Variants in PCDHB13 observed in about 807,000 individuals in gnomAD.
PCDHB13 encodes protocadherin beta-13.
For synonymous variants in PCDHB13, 515 were observed against 450.7 expected (o/e 1.14, Z -1.81); for missense variants, 1,065 against 1,016.7 (o/e 1.05, Z -0.65).
At position 141,215,302 on chromosome 5, in the gene PCDHB13, C is replaced by A; in HGVS notation, c.1179C>A (p.Leu393=). Residue 393 remains leucine (L), a synonymous_variant, in exon 1 of 1, where the codon CTC becomes CTA. Transcript: ENST00000341948. ...CCATTCAGGAGGATCTACCCTTCCT[C>A]CTGAAATCCGCGGAAAACTTTTACA... is the stretch of plus-strand genomic sequence containing the variant. ...SCSIQEDLPF[L]LKSAENFYTL... is the part of the protein sequence containing the mutation. The A allele has an allele frequency of 6.2e-7, 1 of 1,614,128 alleles. No homozygotes were observed. Among genetic ancestry groups the A allele is most frequent in the Non-Finnish European group, 8.5e-7 (1 of 1,180,024 alleles).
At position 141,217,265 on chromosome 5, in the gene PCDHB13, A is replaced by C. The variant is rs1754639552; in HGVS notation, c.*745A>C. 1 of 167,086 alleles carries C rather than the reference A, an allele frequency of 6.0e-6. No homozygotes were observed. The highest frequency in any genetic ancestry group is 1.5e-5 in the Non-Finnish European group (1 of 68,152). 10.4% of individuals were successfully genotyped at this position (167,086 alleles called of 1,614,324 possible). A position where few individuals can be genotyped will look rare whatever the true frequency, so the allele number is the denominator to read the frequency against. On this transcript the variant is annotated 3_prime_UTR_variant, in exon 1 of 1. Coordinates refer to ENST00000341948, the MANE Select transcript of PCDHB13 (RefSeq NM_018933.4). ...ATAGCATAAATTGGAGTTGTGTGTT[A>C]ATGTGTAAAAATTTTTGCCTGTACT... is the stretch of plus-strand genomic sequence containing the variant.
chr5:141,216,158 A>G lies in PCDHB13; in HGVS notation c.2035A>G (p.Thr679Ala), dbSNP rs201053653. The change falls in exon 1 of 1, where the codon ACC becomes GCC. Residue 679 changes from threonine to alanine, a missense_variant. Physicochemically the swap from Thr to Ala is moderately conservative, Grantham distance 58 (BLOSUM62 0). Coordinates refer to ENST00000341948, the MANE Select transcript of PCDHB13 (RefSeq NM_018933.4). The part of the protein sequence containing the change: ...PYLPLPEAAP[T>A]QAQADLLTVY... ...CCTGCCTCTCCCGGAGGCGGCCCCG[A>G]CCCAGGCCCAGGCCGACTTGCTCAC... is the stretch of plus-strand genomic sequence containing the variant. The G allele has an allele frequency of 2.2e-4, 355 of 1,611,460 alleles. 1 individual carries two copies. Among genetic ancestry groups the G allele is most frequent in the Middle Eastern group, 7.7e-4 (4 of 5,182 alleles).
Position 141,214,397 on chromosome 5 carries a change from G to A in PCDHB13, c.274G>A (p.Asp92Asn). Residue 92 changes from aspartate to asparagine, a missense_variant, in exon 1 of 1, where the codon GAC becomes AAC. Transcript: ENST00000341948. ...TADLLLNEKL[D>N]REDLCGHTEP... ...GGATTTGTTGCTAAATGAGAAATTG[G>A]ACCGTGAGGATCTGTGCGGTCACAC... is the stretch of plus-strand genomic sequence containing the variant. The A allele has an allele frequency of 7.1e-7, 1 of 1,406,924 alleles. No homozygotes were observed. Among genetic ancestry groups the A allele is most frequent in the Non-Finnish European group, 1.0e-6 (1 of 1,001,734 alleles). The allele number at this position is 1,406,924 out of a possible 1,614,324, so 87.2% of individuals were successfully genotyped here. A position where few individuals can be genotyped will look rare whatever the true frequency, so the allele number is the denominator to read the frequency against.
In PCDHB13 at chr5:141,216,856, T is replaced by C. The variant is rs1239080423; in HGVS notation, c.*336T>C. On this transcript the variant is annotated 3_prime_UTR_variant, in exon 1 of 1. Coordinates refer to ENST00000341948, the MANE Select transcript of PCDHB13 (RefSeq NM_018933.4). Reference sequence around the variant, plus strand: ...ATTAAATAGAGCAATTTGGAAGTGATTCCAATTTTCCAGCATTTCTTCATT... The same window carrying C: ...ATTAAATAGAGCAATTTGGAAGTGACTCCAATTTTCCAGCATTTCTTCATT... 1 of 327,578 alleles carries C rather than the reference T, an allele frequency of 3.1e-6. No homozygotes were observed. The highest frequency in any genetic ancestry group is 5.9e-6 in the Non-Finnish European group (1 of 168,802). The allele number at this position is 327,578 out of a possible 1,614,324, so 20.3% of individuals were successfully genotyped here. A position where few individuals can be genotyped will look rare whatever the true frequency, so the allele number is the denominator to read the frequency against.
Position 141,216,362 on chromosome 5 carries a change from C to G in PCDHB13, c.2239C>G (p.Gln747Glu). 1 of 1,614,174 alleles carries G rather than the reference C, an allele frequency of 6.2e-7. No individual in the cohort carries two copies. The highest frequency in any genetic ancestry group is 8.5e-7 in the Non-Finnish European group (1 of 1,180,038). ...CATGAGCGGCACCAGGACCCTATCC[C>G]AGAGCTACCAGTATGAGGTGTGTCT... ...VDMSGTRTLS[Q>E]SYQYEVCLAG... The change falls in exon 1 of 1, where the codon CAG becomes GAG. Residue 747 changes from glutamine (Q) to glutamate (E), a missense_variant. By Grantham distance (29) the Gln-to-Glu change is conservative. Coordinates refer to ENST00000341948, the MANE Select transcript of PCDHB13 (RefSeq NM_018933.4).
In PCDHB13 at chr5:141,218,626, T is replaced by TTTG. The variant is rs1754666700; in HGVS notation, c.*2109_*2111dup. On this transcript the variant is annotated 3_prime_UTR_variant, in exon 1 of 1. Coordinates refer to ENST00000341948, the MANE Select transcript of PCDHB13 (RefSeq NM_018933.4). ...GCTATTTTTGTTTGTTTGTTTGTTT[T>TTTG]TTGTTTTGTTTTGTTTTTGAGGCAG... is the stretch of plus-strand genomic sequence containing the variant. 1 of 152,858 alleles carries TTTG rather than the reference T, an allele frequency of 6.5e-6. No homozygotes were observed. The highest frequency in any genetic ancestry group is 1.5e-5 in the Non-Finnish European group (1 of 68,620). 9.5% of individuals were successfully genotyped at this position (152,858 alleles called of 1,614,324 possible). A position where few individuals can be genotyped will look rare whatever the true frequency, so the allele number is the denominator to read the frequency against.
rs1231871762 is a variant in PCDHB13, at chr5:141,217,352, A to G, written c.*832A>G. 4 of 167,070 alleles carry G rather than the reference A, an allele frequency of 2.4e-5. No homozygotes were observed. Among genetic ancestry groups the G allele is most frequent in the Admixed American group, 6.5e-5 (1 of 15,286 alleles). 10.3% of individuals were successfully genotyped at this position (167,070 alleles called of 1,614,324 possible). A position where few individuals can be genotyped will look rare whatever the true frequency, so the allele number is the denominator to read the frequency against. ...TTTCAAACTTTTTTTACTGCAACCA[A>G]TAGTTAAGATTATATTTTACATATT... On this transcript the variant is annotated 3_prime_UTR_variant, in exon 1 of 1. Coordinates refer to ENST00000341948, the MANE Select transcript of PCDHB13 (RefSeq NM_018933.4).
In PCDHB13 at chr5:141,217,497, C is replaced by T. The variant is rs1449932177; in HGVS notation, c.*977C>T. 3.0e-5 allele frequency: 5 copies of T among 166,810 alleles called. No individual in the cohort carries two copies. Among genetic ancestry groups the T allele is most frequent in the Non-Finnish European group, 5.9e-5 (4 of 68,088 alleles). The allele number at this position is 166,810 out of a possible 1,614,324, so 10.3% of individuals were successfully genotyped here. On this transcript the variant is annotated 3_prime_UTR_variant, in exon 1 of 1. Coordinates refer to ENST00000341948, the MANE Select transcript of PCDHB13 (RefSeq NM_018933.4). ...TCAATTTTCAAATGTGGTCATGATC[C>T]ACTAAATTTATTTCATGGTATACTA...
chr5:141,214,690 C>T lies in PCDHB13; in HGVS notation c.567C>T (p.Gly189=). ...FRVLTRKRSD[G]RKYPELVLDK... is the part of the protein sequence containing the mutation. ...TCCTCACCCGCAAACGCAGTGATGG[C>T]AGGAAATACCCAGAGCTGGTGCTGG... Residue 189 remains glycine (G), a synonymous_variant, in exon 1 of 1, where the codon GGC becomes GGT. Coordinates refer to ENST00000341948, the MANE Select transcript of PCDHB13 (RefSeq NM_018933.4). The T allele has an allele frequency of 6.2e-7, 1 of 1,614,046 alleles. No individual in the cohort carries two copies. The highest frequency in any genetic ancestry group is 1.1e-5 in the South Asian group (1 of 91,072).
Position 141,216,286 on chromosome 5 carries a change from G to A in PCDHB13, c.2163G>A (p.Ser721=), listed in dbSNP as rs782708385. The change falls in exon 1 of 1, where the codon TCG becomes TCA. Residue 721 remains serine (S), a synonymous_variant. Coordinates refer to ENST00000341948, the MANE Select transcript of PCDHB13 (RefSeq NM_018933.4). ...TGTGTAGGAGGAGCAGGGCGGCCTC[G>A]GTGGGTCGCTGCTTGGTGCCCGAGG... The part of the protein sequence containing the change: ...VRLCRRSRAA[S]VGRCLVPEGP... 5 of 1,613,812 alleles carry A rather than the reference G, an allele frequency of 3.1e-6. No homozygotes were observed. Among genetic ancestry groups the A allele is most frequent in the Non-Finnish European group, 4.2e-6 (5 of 1,180,018 alleles).
chr5:141,214,681 C>T lies in PCDHB13; in HGVS notation c.558C>T (p.Arg186=). ...NSYFRVLTRK[R]SDGRKYPELV... is the part of the protein sequence containing the mutation. ...ATTTTCGGGTCCTCACCCGCAAACG[C>T]AGTGATGGCAGGAAATACCCAGAGC... Residue 186 remains arginine (R), a synonymous_variant, in exon 1 of 1, where the codon CGC becomes CGT. Transcript: ENST00000341948. 2 of 1,614,002 alleles carry T rather than the reference C, an allele frequency of 1.2e-6. No individual in the cohort carries two copies. The highest frequency in any genetic ancestry group is 1.7e-6 in the Non-Finnish European group (2 of 1,179,924).
At position 141,214,266 on chromosome 5, in the gene PCDHB13, A is replaced by G. The variant is rs368890164; in HGVS notation, c.143A>G (p.Asn48Ser). ...ACTGAGGGCAGCTCCTTTGTCACCA[A>G]TTTAGCAAAGGACCTGGGTCTGGAG... ...EETEGSSFVT[N>S]LAKDLGLEQR... The change falls in exon 1 of 1, where the codon AAT (asparagine) becomes AGT (serine). Residue 48 changes from asparagine (N) to serine (S), a missense_variant. Transcript: ENST00000341948. The G allele has an allele frequency of 1.0e-5, 16 of 1,571,282 alleles. No individual in the cohort carries two copies. The highest frequency in any genetic ancestry group is 4.5e-5 in the East Asian group (2 of 44,590).
At position 141,216,732 on chromosome 5, in the gene PCDHB13, T is replaced by A. The variant is rs1563990888; in HGVS notation, c.*212T>A. 4.6e-6 allele frequency: 3 copies of A among 658,128 alleles called. No homozygotes were observed. The highest frequency in any genetic ancestry group is 8.3e-6 in the Non-Finnish European group (3 of 362,352). The allele number at this position is 658,128 out of a possible 1,614,324, so 40.8% of individuals were successfully genotyped here. A position where few individuals can be genotyped will look rare whatever the true frequency, so the allele number is the denominator to read the frequency against. On this transcript the variant is annotated 3_prime_UTR_variant, in exon 1 of 1. Coordinates refer to ENST00000341948, the MANE Select transcript of PCDHB13 (RefSeq NM_018933.4). ...ATTCTTTAACCCAGATGGTCTTAAT[T>A]TGTAATTAATTTGCCTCCCTAAAGA...
rs1210068483 is a variant in PCDHB13, at chr5:141,215,083, T to C, written c.960T>C (p.Ile320=). The C allele has an allele frequency of 1.2e-5, 19 of 1,614,092 alleles. No individual in the cohort carries two copies. The highest frequency in any genetic ancestry group is 1.7e-4 in the Middle Eastern group (1 of 6,060). The change falls in exon 1 of 1, where the codon ATT becomes ATC. Residue 320 remains isoleucine (I), a synonymous_variant. Coordinates refer to ENST00000341948, the MANE Select transcript of PCDHB13 (RefSeq NM_018933.4). ...AACTTCAGTCCTATGAAGTCAATAT[T>C]GAGGCAAGAGATGCTGGAACCTTTT... ...FEKLQSYEVN[I]EARDAGTFSG...
rs1449728658 is a variant in PCDHB13 at position 141,215,347 on chromosome 5, A to T, written c.1224A>T (p.Pro408=). The T allele has an allele frequency of 6.2e-7, 1 of 1,614,024 alleles. No individual in the cohort carries two copies. The highest frequency in any genetic ancestry group is 1.7e-5 in the Admixed American group (1 of 60,010). ...ENFYTLLTER[P]LDRESRAEYN... ...TTTACACCCTACTAACGGAGAGACC[A>T]CTAGACAGAGAAAGCAGAGCGGAAT... Residue 408 remains proline (P), a synonymous_variant, in exon 1 of 1, where the codon CCA becomes CCT. Coordinates refer to ENST00000341948, the MANE Select transcript of PCDHB13 (RefSeq NM_018933.4).
rs1302324738 is a variant in PCDHB13, at chr5:141,215,769, T to G, written c.1646T>G (p.Val549Gly). ...CTGAGCAGCGAGGCGCTGGTGCGCG[T>G]GGTGGTGCTGGACGCCAACGACAAC... ...PALSSEALVR[V>G]VVLDANDNSP... The change falls in exon 1 of 1, where the codon GTG becomes GGG. Residue 549 changes from valine (V) to glycine (G), a missense_variant. Physicochemically the swap from Val to Gly is moderately radical, Grantham distance 109. Coordinates refer to ENST00000341948, the MANE Select transcript of PCDHB13 (RefSeq NM_018933.4). The G allele has an allele frequency of 1.9e-6, 3 of 1,611,612 alleles. No individual in the cohort carries two copies. Among genetic ancestry groups the G allele is most frequent in the Non-Finnish European group, 2.5e-6 (3 of 1,179,698 alleles).
Position 141,216,563 on chromosome 5 carries a change from C to T in PCDHB13, c.*43C>T. 1.4e-6 allele frequency: 2 copies of T among 1,465,900 alleles called. No homozygotes were observed. The highest frequency in any genetic ancestry group is 1.9e-6 in the Non-Finnish European group (2 of 1,044,678). The allele number at this position is 1,465,900 out of a possible 1,614,324, so 90.8% of individuals were successfully genotyped here. A position where few individuals can be genotyped will look rare whatever the true frequency, so the allele number is the denominator to read the frequency against. ...ATTCCATAGGTATTTTATTTTGTGG[C>T]ATTTCCATGCCAATGTTTATTTCCC... On this transcript the variant is annotated 3_prime_UTR_variant, in exon 1 of 1. Coordinates refer to ENST00000341948, the MANE Select transcript of PCDHB13 (RefSeq NM_018933.4).
At position 141,216,013 on chromosome 5, in the gene PCDHB13, G is replaced by A; in HGVS notation, c.1890G>A (p.Leu630=). 6.2e-7 allele frequency: 1 copy of A among 1,607,112 alleles called. No individual in the cohort carries two copies. Among genetic ancestry groups the A allele is most frequent in the South Asian group, 1.1e-5 (1 of 90,918 alleles). The stretch of plus-strand genomic sequence containing the variant: ...GCGAGGTGCGCACCGCCAGGCTGCT[G>A]AGCGAGCGCGACGCGGCCAAGCACA... ...HNGEVRTARL[L]SERDAAKHRL... Residue 630 remains leucine, a synonymous_variant, in exon 1 of 1, where the codon CTG becomes CTA. Transcript: ENST00000341948.
chr5:141,215,326 C>G lies in PCDHB13; in HGVS notation c.1203C>G (p.Tyr401Ter), dbSNP rs782403823. The G allele has an allele frequency of 1.2e-6, 2 of 1,614,156 alleles. No individual in the cohort carries two copies. Among genetic ancestry groups the G allele is most frequent in the Non-Finnish European group, 1.7e-6 (2 of 1,180,036 alleles). ...PFLLKSAENF[Y>*]TLLTERPLDR... ...TCCTGAAATCCGCGGAAAACTTTTACACCCTACTAACGGAGAGACCACTAG... is the reference window on the plus strand; with the variant it reads ...TCCTGAAATCCGCGGAAAACTTTTAGACCCTACTAACGGAGAGACCACTAG... The change falls in exon 1 of 1, where the codon TAC (tyrosine) becomes TAG (stop). Residue 401 changes from tyrosine (Y) to a stop codon, truncating the protein, a stop_gained. Coordinates refer to ENST00000341948, the MANE Select transcript of PCDHB13 (RefSeq NM_018933.4). LOFTEE classifies it low-confidence loss of function (END_TRUNC).
Sources: allele counts gnomAD v4.1 joint callset, GRCh38; gene constraint gnomAD v4.1.1; transcripts MANE v1.5; gene names NCBI Gene and HGNC (gene_info 2026-07-23, HGNC 2026-07-21).